The following AADAT variants were observed in gnomAD, a reference collection of about 807,000 sequenced individuals.
The protein encoded by AADAT is kynurenine/alpha-aminoadipate aminotransferase, mitochondrial.
Under a neutral mutation model 56.2 loss-of-function variants are expected in AADAT, and 25 were observed. That is an observed-to-expected ratio of 0.44 (90% CI 0.32 to 0.62). AADAT has a LOEUF of 0.62. Among genes scored for constraint, AADAT ranks in the 20% least tolerant of loss-of-function variants. The pLI, the probability that AADAT is intolerant of heterozygous loss-of-function variation, is 0.04. For missense variants in AADAT, 387 were observed against 510.5 expected, an observed-to-expected ratio of 0.76 and a Z score of 2.33; for synonymous variants, 173 against 164.7, an observed-to-expected ratio of 1.05 and a Z score of -0.39.
At chr4:170,094,065 T>C (rs904090347), upstream of AADAT, among the ~76,000 whole-genome samples, 21 of 152,210 alleles carry the variant, frequency 1.4e-4, no homozygotes, top group Non-Finnish European at 2.8e-4. Flanking sequence ...ATTTGGCCTG[T>C]CCTGGAGTTG....
In AADAT at chr4:170,089,736, A is replaced by G; in HGVS notation, c.-46T>C. ...CAAGCTTCTTCTTCAGTGGTTGAGG[A>G]CTAGAAAAACCAAAGAGCCTCGTCA... is the stretch of plus-strand genomic sequence containing the variant. On this transcript the variant is annotated 5_prime_UTR_variant, in exon 1 of 13. Coordinates refer to ENST00000337664, the MANE Select transcript of AADAT (RefSeq NM_016228.4). The G allele has an allele frequency of 6.2e-7, 1 of 1,602,322 alleles. No individual in the cohort carries two copies. The highest frequency in any genetic ancestry group is 8.5e-7 in the Non-Finnish European group (1 of 1,170,676).
Position 170,089,800 on chromosome 4 carries a change from G to T in AADAT, c.-110C>A. On this transcript the variant is annotated 5_prime_UTR_variant, in exon 1 of 13. Coordinates refer to ENST00000337664, the MANE Select transcript of AADAT (RefSeq NM_016228.4). ...AACTCCTCACTCTGGCAACGCCACCGCGAGATGTGTCCCCCCGCTGCGTCT... is the reference window on the plus strand; with the variant it reads ...AACTCCTCACTCTGGCAACGCCACCTCGAGATGTGTCCCCCCGCTGCGTCT... 1 of 1,098,146 alleles carries T rather than the reference G, an allele frequency of 9.1e-7. No homozygotes were observed. The highest frequency in any genetic ancestry group is 1.3e-6 in the Non-Finnish European group (1 of 744,960). The allele number at this position is 1,098,146 out of a possible 1,614,324, so 68.0% of individuals were successfully genotyped here.
intron 12 of AADAT, among the ~76,000 whole-genome samples, chr4:170,061,198 C>A (rs1039433232): frequency 2.0e-5 from 3 of 152,042 alleles, no homozygotes; most frequent in Non-Finnish European, 4.4e-5. Context: ...TTGTTGTTCT[C>A]GTGGCCTTCA....
At chr4:170,081,958 C>CA (rs1480613477) in intron 3 of AADAT, among the ~76,000 whole-genome samples, 1 of 152,128 alleles carries the variant, frequency 6.6e-6, no homozygotes, top group Non-Finnish European at 1.5e-5. Context: ...CTTTCCCAGA[C>CA]AAACTAAAGC....
intron 9 of AADAT, among the ~76,000 whole-genome samples, chr4:170,066,703 A>G (rs1449050394): frequency 6.6e-6 from 1 of 152,234 alleles, no homozygotes; most frequent in African/African-American, 2.4e-5. Context: ...ATTCATAAAG[A>G]GAAGTCCATT....
intron 4 of AADAT, among the ~76,000 whole-genome samples, chr4:170,073,672 T>G (rs993323947): frequency 6.6e-6 from 1 of 152,096 alleles, no homozygotes; most frequent in African/African-American, 2.4e-5. Context: ...GGTAATTTTT[T>G]GTATTTTTAG....
At chr4:170,065,091 TAGTC>T (rs1306585547) in intron 10 of AADAT, among the ~76,000 whole-genome samples, 3 of 152,182 alleles carry the variant, frequency 2.0e-5, no homozygotes, top group Non-Finnish European at 4.4e-5. Context: ...ATTTACAATG[TAGTC>T]AGTCTTAGGG....
At chr4:170,092,992 G>A (rs1194968617), upstream of AADAT, among the ~76,000 whole-genome samples, 2 of 152,160 alleles carry the variant, frequency 1.3e-5, no homozygotes, top group Non-Finnish European at 2.9e-5. Context: ...AAGTTAACAA[G>A]CACCGGAAAC....
At chr4:170,078,472 T>A in intron 4 of AADAT, 37 bp downstream of exon 4, 1 of 1,291,544 alleles carries the variant, frequency 7.7e-7, no homozygotes, top group East Asian at 2.4e-5. Context: ...TCTTATTTAC[T>A]ACAAGAGAGT....
At chr4:170,074,841 G>A (rs1021767018) in intron 4 of AADAT, among the ~76,000 whole-genome samples, 6 of 151,988 alleles carry the variant, frequency 3.9e-5, no homozygotes, top group South Asian at 4.1e-4. Context: ...ATACAAATTT[G>A]TGGAATCTCA....
upstream of AADAT, among the ~76,000 whole-genome samples, chr4:170,093,407 G>GT (rs1307185475): frequency 6.6e-6 from 1 of 152,154 alleles, no homozygotes; most frequent in Non-Finnish European, 1.5e-5. Flanking sequence ...CTGCACTCCA[G>GT]TGGGGGATTG....
At chr4:170,086,218 T>C (rs953830694) in intron 3 of AADAT, among the ~76,000 whole-genome samples, 6 of 150,490 alleles carry the variant, frequency 4.0e-5, no homozygotes, top group East Asian at 2.0e-4. Flanking sequence ...CGCACTCCAG[T>C]CTGGGTGACA....
chr4:170,084,360 T>C (rs1184749506), intron 3 of AADAT, among the ~76,000 whole-genome samples: 1 of 152,084 alleles, frequency 6.6e-6, no homozygotes, highest in Admixed American at 6.5e-5. Flanking sequence ...ACAGAAAAAA[T>C]TAAAAATTAA....
chr4:170,064,481 C>T (rs906328486), intron 11 of AADAT, among the ~76,000 whole-genome samples: 5 of 152,188 alleles, frequency 3.3e-5, no homozygotes, highest in East Asian at 1.9e-4. Flanking sequence ...TCAGCCACTA[C>T]GCTAATCAGT....
At chr4:170,067,269 T>C in intron 9 of AADAT, 58 bp downstream of exon 9, 1 of 1,292,526 alleles carries the variant, frequency 7.7e-7, no homozygotes, top group Non-Finnish European at 1.1e-6. Flanking sequence ...AGGTGATCTG[T>C]ACTATGTTCA....
intron 3 of AADAT, among the ~76,000 whole-genome samples, chr4:170,084,638 C>T (rs1732466069): frequency 6.6e-6 from 1 of 152,180 alleles, no homozygotes; most frequent in East Asian, 1.9e-4. Flanking sequence ...TAACAACCCA[C>T]ATCTCACCAC....
intron 4 of AADAT, among the ~76,000 whole-genome samples, chr4:170,077,194 C>T (rs983359764): frequency 4.6e-5 from 7 of 152,128 alleles, no homozygotes; most frequent in African/African-American, 1.7e-4. Flanking sequence ...AAACTCACAT[C>T]AATTTGAGGA....
At chr4:170,078,937 C>T (rs112179199) in intron 3 of AADAT, among the ~76,000 whole-genome samples, 4,306 of 152,258 alleles carry the variant, frequency 0.028, 205 homozygotes, top group African/African-American at 0.099. Context: ...GGTTTGGCTG[C>T]TAACATTCAT....
At chr4:170,066,319 C>G (rs756074882) in intron 10 of AADAT, 95 bp downstream of exon 10, 4 of 1,108,410 alleles carry the variant, frequency 3.6e-6, no homozygotes, top group Non-Finnish European at 5.5e-6. Context: ...TGGACTGTTT[C>G]TTTTCCACCA....
Sources: allele counts gnomAD v4.1 joint callset (sites outside exome capture counted in the v4.1 genomes callset), GRCh38; gene constraint gnomAD v4.1.1; transcripts MANE v1.5; gene names NCBI Gene and HGNC (gene_info 2026-07-23, HGNC 2026-07-21).